The following RPS6KC1 variants were observed in gnomAD, a reference collection of about 807,000 sequenced individuals.
The protein encoded by RPS6KC1 is ribosomal protein S6 kinase C1.
A neutral mutation model predicts 103.8 loss-of-function variants in RPS6KC1; 54 were observed. That is an observed-to-expected ratio of 0.52 (90% CI 0.42 to 0.65). The LOEUF (loss-of-function observed/expected upper bound fraction) is 0.65. Among genes scored for constraint, RPS6KC1 ranks in the 30% least tolerant of loss-of-function variants. RPS6KC1 has a pLI of 0.00. For missense variants in RPS6KC1, 1,151 were observed against 1,253.8 expected, an observed-to-expected ratio of 0.92 and a Z score of 1.24; for synonymous variants, 439 against 438.7, an observed-to-expected ratio of 1.00 and a Z score of -0.01.
Position 213,194,591 on chromosome 1 carries a change from G to T in RPS6KC1, c.1044+18099G>T, listed in dbSNP as rs1220912963. Reference sequence around the variant, plus strand: ...CGCCTGTTAGGAACCGGGCCTCACAGTAGGAGGTGAACAGCAGGCAAGTGA... The same window carrying T: ...CGCCTGTTAGGAACCGGGCCTCACATTAGGAGGTGAACAGCAGGCAAGTGA... On this transcript the variant is annotated intron_variant, in intron 8 of 14. Transcript: ENST00000366960. Among the ~76,000 whole-genome samples the T allele has an allele frequency of 2.6e-5, 4 of 152,314 alleles. No individual in the cohort carries two copies. The South Asian group carries it at 8.3e-4, about 32-fold the overall frequency.
chr1:213,727,934 C>T, the RPS6KC1 span, among the ~76,000 whole-genome samples: 4 of 152,118 alleles, frequency 2.6e-5, no homozygotes, highest in African/African-American at 9.7e-5. Flanking sequence ...CGATAAAATG[C>T]GTATCTAAGA....
At chr1:213,840,006 A>G in the RPS6KC1 span, 13 of 152,136 alleles carry the variant, frequency 8.5e-5, no homozygotes, top group Admixed American at 8.5e-4. Context: ...CCCCCATACA[A>G]TGAACTCTCA....
chr1:213,392,562 T>C, the RPS6KC1 span, among the ~76,000 whole-genome samples: 2 of 152,256 alleles, frequency 1.3e-5, no homozygotes, highest in African/African-American at 4.8e-5. Flanking sequence ...GAATTACAGC[T>C]TCCAAAATGT....
downstream of RPS6KC1, among the ~76,000 whole-genome samples, chr1:213,278,029 G>C (rs114736165): frequency 4.3e-3 from 656 of 152,060 alleles, 4 homozygotes; most frequent in African/African-American, 0.015. Flanking sequence ...CATGAAGAGA[G>C]CCTGTCTCTA....
At chr1:213,368,734 C>T in the RPS6KC1 span, among the ~76,000 whole-genome samples, 1 of 152,190 alleles carries the variant, frequency 6.6e-6, no homozygotes, top group African/African-American at 2.4e-5. Context: ...CTTGCCACTT[C>T]TAGCAAAGTC....
chr1:213,107,516 G>A (rs903310056), intron 4 of RPS6KC1, among the ~76,000 whole-genome samples: 3 of 152,124 alleles, frequency 2.0e-5, no homozygotes, highest in African/African-American at 7.2e-5. Flanking sequence ...GCATTTCATT[G>A]TATAGATAAT....
chr1:213,330,628 G>C, the RPS6KC1 span, among the ~76,000 whole-genome samples: 2 of 152,180 alleles, frequency 1.3e-5, no homozygotes, highest in Admixed American at 1.3e-4. Flanking sequence ...GAGTTAGTAT[G>C]ATCACTGGAA....
At chr1:213,166,776 T>C (rs2091002742) in intron 6 of RPS6KC1, among the ~76,000 whole-genome samples, 1 of 152,208 alleles carries the variant, frequency 6.6e-6, no homozygotes, top group South Asian at 2.1e-4. Context: ...TCAGGATTCT[T>C]TGGTTTGCAT....
At chr1:213,471,498 G>A in the RPS6KC1 span, among the ~76,000 whole-genome samples, 2 of 152,076 alleles carry the variant, frequency 1.3e-5, no homozygotes, top group Non-Finnish European at 2.9e-5. Flanking sequence ...GGAGAAGGAC[G>A]ACATCAAGTC....
chr1:213,530,032 T>TTTATTATTATTA, the RPS6KC1 span, among the ~76,000 whole-genome samples: 2,470 of 149,102 alleles, frequency 0.017, 34 homozygotes, highest in African/African-American at 0.038. Context: ...CTTCACTTCT[T>TTTATTATTATTA]TTATTATTAT....
intron 6 of RPS6KC1, among the ~76,000 whole-genome samples, chr1:213,147,030 T>A (rs2087936972): frequency 6.6e-6 from 1 of 152,240 alleles, no homozygotes; most frequent in Non-Finnish European, 1.5e-5. Context: ...TATGCCCGTT[T>A]TTTGATTGGA....
chr1:213,181,451 G>T (rs1440749654), intron 8 of RPS6KC1, among the ~76,000 whole-genome samples: 3 of 152,218 alleles, frequency 2.0e-5, no homozygotes. Flanking sequence ...TTGGAAAAAT[G>T]TAGGCATTTC....
chr1:213,232,011 C>A, intron 9 of RPS6KC1, 112 bp from the exon 10 acceptor site: 1 of 1,347,902 alleles, frequency 7.4e-7, no homozygotes, highest in Non-Finnish European at 1.0e-6. Flanking sequence ...TTCTCTGAAG[C>A]CCAGAGTAAC....
At chr1:213,103,056 T>C in intron 3 of RPS6KC1, among the ~76,000 whole-genome samples, 1 of 151,990 alleles carries the variant, frequency 6.6e-6, no homozygotes, top group Non-Finnish European at 1.5e-5. Context: ...AATAATTAGC[T>C]GGCTGTGGTG....
At chr1:213,094,634 A>G (rs75328879) in intron 3 of RPS6KC1, among the ~76,000 whole-genome samples, 1,562 of 152,238 alleles carry the variant, frequency 0.01, 21 homozygotes, top group African/African-American at 0.036. Context: ...GCAGCTCCCA[A>G]TAGCTAAGAA....
intron 3 of RPS6KC1, among the ~76,000 whole-genome samples, chr1:213,091,516 C>G (rs1371462682): frequency 6.6e-6 from 1 of 152,144 alleles, no homozygotes; most frequent in Non-Finnish European, 1.5e-5. Flanking sequence ...ATCCGTTGGT[C>G]TGTCTTAGAT....
the RPS6KC1 span, among the ~76,000 whole-genome samples, chr1:213,658,110 A>T: frequency 6.6e-6 from 1 of 152,198 alleles, no homozygotes. Flanking sequence ...TGTAAAGAAC[A>T]ATCCTTCCAG....
chr1:213,415,927 G>C, the RPS6KC1 span, among the ~76,000 whole-genome samples: 1 of 152,230 alleles, frequency 6.6e-6, no homozygotes, highest in Non-Finnish European at 1.5e-5. Flanking sequence ...CAAAGGGAGA[G>C]AATGTGAACT....
chr1:213,608,071 C>T, the RPS6KC1 span, among the ~76,000 whole-genome samples: 1 of 152,130 alleles, frequency 6.6e-6, no homozygotes. Flanking sequence ...TTTGGAGAGT[C>T]CTTCCCTGGG....
Sources: allele counts gnomAD v4.1 joint callset (sites outside exome capture counted in the v4.1 genomes callset), GRCh38; gene constraint gnomAD v4.1.1; transcripts MANE v1.5; gene names NCBI Gene and HGNC (gene_info 2026-07-23, HGNC 2026-07-21).